Variants in CD247 observed in about 807,000 individuals in gnomAD.
CD247 encodes the protein CD247 molecule, also known as T-cell surface glycoprotein CD3 zeta chain.
In CD247, 13 loss-of-function variants were observed where a neutral mutation model predicts 30.0. That is an observed-to-expected ratio of 0.43 (90% CI 0.28 to 0.69). The LOEUF (loss-of-function observed/expected upper bound fraction) is 0.69. Ranked by LOEUF, CD247 falls within the 30% of genes least tolerant of loss-of-function variation. CD247 has a pLI of 0.16. For missense variants in CD247, 193 were observed against 212.6 expected (o/e 0.91, Z 0.57); for synonymous variants, 72 against 80.0 (o/e 0.90, Z 0.53).
At chr1:167,467,320 C>T (rs1033664915) in intron 1 of CD247, among the ~76,000 whole-genome samples, 1 of 152,222 alleles carries the variant, frequency 6.6e-6, no homozygotes, top group South Asian at 2.1e-4. Flanking sequence ...TTCATGCAAA[C>T]GCAGAGTCAC....
chr1:167,489,538 G>C (rs1213325319), intron 1 of CD247, among the ~76,000 whole-genome samples: 1 of 152,172 alleles, frequency 6.6e-6, no homozygotes, highest in Non-Finnish European at 1.5e-5. Context: ...AAATACTGTT[G>C]TTCACCTAGA....
rs116162620 is a variant in CD247, at chr1:167,469,446, C to T, written c.59-28679G>A. 7.2e-3 allele frequency among the ~76,000 whole-genome samples: 1,090 copies of T among 152,322 alleles called. 6 individuals carry two copies. The highest frequency in any genetic ancestry group is 0.024 in the Middle Eastern group (7 of 294). On this transcript the variant is annotated intron_variant, in intron 1 of 7. Transcript: ENST00000362089. ...CACTGGAGAAGGAAATCGAGTCTTT[C>T]CCTGTCCTCTGGCATTGGATTACTT...
chr1:167,470,576 C>T (rs1653472498), intron 1 of CD247, among the ~76,000 whole-genome samples: 1 of 146,018 alleles, frequency 6.8e-6, no homozygotes, highest in Admixed American at 6.8e-5. Context: ...AAAAATTAGC[C>T]AAAAACCAAC....
At chr1:167,489,513 G>A (rs1432291813) in intron 1 of CD247, among the ~76,000 whole-genome samples, 2 of 152,160 alleles carry the variant, frequency 1.3e-5, no homozygotes, top group Non-Finnish European at 2.9e-5. Context: ...ACCCTATTCA[G>A]TGATGAGAGA....
At position 167,494,333 on chromosome 1, in the gene CD247, A is replaced by T. The variant is rs888746097; in HGVS notation, c.58+24075T>A. On this transcript the variant is annotated intron_variant, in intron 1 of 7. Coordinates refer to ENST00000362089, the MANE Select transcript of CD247 (RefSeq NM_198053.3). This position sits in a 1 kb window ranked among gnomAD's most constrained non-coding sequence, Gnocchi z 7.3. ...ATCTTTTCTGAAAGAGTCCGATGTT[A>T]TCTAAGTGAGGACTGGCCAGGTAAT... is the stretch of plus-strand genomic sequence containing the variant. Among the ~76,000 whole-genome samples the T allele has an allele frequency of 6.6e-6, 1 of 152,184 alleles. No individual in the cohort carries two copies. Among genetic ancestry groups the T allele is most frequent in the Non-Finnish European group, 1.5e-5 (1 of 68,028 alleles).
chr1:167,487,999 A>G (rs1430076832), intron 1 of CD247, among the ~76,000 whole-genome samples: 1 of 152,172 alleles, frequency 6.6e-6, no homozygotes, highest in Non-Finnish European at 1.5e-5. Context: ...TCGGCCCCCA[A>G]AGGGCTGGGA....
chr1:167,438,438 T>G, intron 4 of CD247, 132 bp downstream of exon 4: 1 of 788,896 alleles, frequency 1.3e-6, no homozygotes, highest in South Asian at 1.4e-5. Flanking sequence ...TCTCCATCTC[T>G]TCTCTTGTCC....
intron 1 of CD247, among the ~76,000 whole-genome samples, chr1:167,473,451 C>G (rs555945519): frequency 1.6e-3 from 246 of 152,322 alleles, no homozygotes; most frequent in Middle Eastern, 6.8e-3. Context: ...CATTTAGCCG[C>G]GCTCACAGCC....
At chr1:167,490,353 G>A (rs1409806187) in intron 1 of CD247, among the ~76,000 whole-genome samples, 2 of 152,086 alleles carry the variant, frequency 1.3e-5, no homozygotes, top group Admixed American at 6.5e-5. Context: ...GGCCGGGCGC[G>A]GTGGCTCACG....
chr1:167,490,051 G>A lies in CD247; in HGVS notation c.58+28357C>T, dbSNP rs146016509. On this transcript the variant is annotated intron_variant, in intron 1 of 7. Transcript: ENST00000362089. ...TTTTTTTGACCTTCTGGCCCAAATA[G>A]GGAACTGTGGAGCGCTCATCTTTGT... 2.2e-3 allele frequency among the ~76,000 whole-genome samples: 337 copies of A among 150,610 alleles called. 2 individuals carry two copies. Among genetic ancestry groups the A allele is most frequent in the Middle Eastern group, 6.8e-3 (2 of 292 alleles).
chr1:167,436,547 G>A (rs939628630), intron 4 of CD247, among the ~76,000 whole-genome samples: 4 of 152,180 alleles, frequency 2.6e-5, no homozygotes, highest in African/African-American at 9.7e-5. Context: ...GGAAAACCTG[G>A]ATATCCACAA....
rs138956139 is a variant in CD247 at position 167,512,562 on chromosome 1, A to G, written c.58+5846T>C. Among the ~76,000 whole-genome samples, 441 of 152,346 alleles carry G rather than the reference A, an allele frequency of 2.9e-3. 2 individuals are homozygous for G. The highest frequency in any genetic ancestry group is 0.01 in the African/African-American group (423 of 41,586). On this transcript the variant is annotated intron_variant, in intron 1 of 7. Coordinates refer to ENST00000362089, the MANE Select transcript of CD247 (RefSeq NM_198053.3). The stretch of plus-strand genomic sequence containing the variant: ...CCTAGAGAGAAATTTCTGCCCAAGT[A>G]TACACTGCAATGTAATGACAGAGGA...
At chr1:167,455,319 C>T (rs1652590191) in intron 1 of CD247, among the ~76,000 whole-genome samples, 1 of 152,228 alleles carries the variant, frequency 6.6e-6, no homozygotes, top group African/African-American at 2.4e-5. Flanking sequence ...CGGGTCAAAG[C>T]TACGCCGGGT....
At chr1:167,505,994 A>G (rs1329284862) in intron 1 of CD247, among the ~76,000 whole-genome samples, 1 of 152,232 alleles carries the variant, frequency 6.6e-6, no homozygotes, top group South Asian at 2.1e-4. Context: ...AGCAAGAATC[A>G]AAAGTCCTGG....
At chr1:167,488,579 AG>A (rs1654310708) in intron 1 of CD247, among the ~76,000 whole-genome samples, 1 of 152,186 alleles carries the variant, frequency 6.6e-6, no homozygotes, top group African/African-American at 2.4e-5. Flanking sequence ...TCAGACACTG[AG>A]GGGAACCGGA....
intron 4 of CD247, 93 bp downstream of exon 4, chr1:167,438,477 G>T: frequency 1.0e-6 from 1 of 975,020 alleles, no homozygotes; most frequent in Non-Finnish European, 1.7e-6. Context: ...GGTCGAGTCT[G>T]GTTGCAGAGT....
intron 1 of CD247, among the ~76,000 whole-genome samples, chr1:167,490,978 G>T (rs1222102665): frequency 6.6e-6 from 1 of 151,556 alleles, no homozygotes; most frequent in Non-Finnish European, 1.5e-5. Flanking sequence ...TAAATAAAAA[G>T]AAATTATCTT....
chr1:167,482,897 G>T (rs1453913325), intron 1 of CD247, among the ~76,000 whole-genome samples: 1 of 152,136 alleles, frequency 6.6e-6, no homozygotes, highest in Non-Finnish European at 1.5e-5. Context: ...GGAAGGTCTG[G>T]GTAAGCCCTT....
At chr1:167,435,524 C>T in intron 4 of CD247, 90 bp from the exon 5 acceptor site, 1 of 1,061,318 alleles carries the variant, frequency 9.4e-7, no homozygotes, top group Non-Finnish European at 1.5e-6. Flanking sequence ...CCCCTGACTG[C>T]AGTTTCCTGG....
Sources: allele counts gnomAD v4.1 joint callset (sites outside exome capture counted in the v4.1 genomes callset), GRCh38; gene constraint gnomAD v4.1.1; non-coding constraint Gnocchi (gnomAD v3.1); transcripts MANE v1.5; gene names NCBI Gene and HGNC (gene_info 2026-07-23, HGNC 2026-07-21).